Variants in COG5 observed in about 807,000 individuals in gnomAD.
COG5 encodes the protein component of oligomeric golgi complex 5.
In COG5, 86 loss-of-function variants were observed where a neutral mutation model predicts 110.4. The ratio of observed to expected loss-of-function variants is 0.78; its 90% confidence interval spans 0.65 to 0.93. COG5 has a LOEUF of 0.93. COG5 is among the 40% of genes least tolerant of loss of function. The probability of loss-of-function intolerance (pLI) is 0.00; values close to 1 mark genes in which losing one functional copy is unlikely to be tolerated. For missense variants in COG5, 1,077 were observed against 987.0 expected, an observed-to-expected ratio of 1.09 and a Z score of -1.22; for synonymous variants, 360 against 334.6, an observed-to-expected ratio of 1.08 and a Z score of -0.83.
At chr7:107,208,016 C>T (rs1798899797) in intron 21 of COG5, 1 of 985,424 alleles carries the variant, frequency 1.0e-6, no homozygotes, top group Non-Finnish European at 1.2e-6. Flanking sequence ...AATACTCACC[C>T]TCGGTTTGTC....
chr7:107,213,372 C>G (rs12672451), intron 19 of COG5, among the ~76,000 whole-genome samples: 29,943 of 152,096 alleles, frequency 0.2, 3,333 homozygotes, highest in East Asian at 0.32. Flanking sequence ...GTGGCTCCAC[C>G]TAGTGTCAGA....
chr7:107,476,838 T>A lies in COG5; in HGVS notation c.538+50399A>T, dbSNP rs553949051. On this transcript the variant is annotated intron_variant, in intron 6 of 21. Transcript: ENST00000297135. ...AAAATTCAATAATATATCACTTTTA[T>A]ATAAATAAATGAGATTTATCCAGTC... is the stretch of plus-strand genomic sequence containing the variant. Among the ~76,000 whole-genome samples the A allele has an allele frequency of 4.0e-5, 6 of 151,802 alleles. No individual in the cohort carries two copies. In the South Asian group the frequency reaches 8.3e-4, roughly 21 times the overall value.
chr7:107,548,481 C>T, intron 3 of COG5, 149 bp from the exon 4 acceptor site: 1 of 752,234 alleles, frequency 1.3e-6, no homozygotes, highest in South Asian at 1.5e-5. Flanking sequence ...TTTACCCACA[C>T]TGCTGTAAAA....
chr7:107,536,117 AAC>A (rs1477165255), intron 5 of COG5, among the ~76,000 whole-genome samples: 3 of 152,208 alleles, frequency 2.0e-5, no homozygotes, highest in Admixed American at 6.5e-5. Flanking sequence ...TCATGCTAAA[AAC>A]ACTCAATAAA....
At chr7:107,238,704 G>C (rs993672408) in intron 17 of COG5, among the ~76,000 whole-genome samples, 12 of 152,108 alleles carry the variant, frequency 7.9e-5, no homozygotes, top group South Asian at 2.1e-4. Flanking sequence ...CAGGTGTGAG[G>C]TGCAATCTCA....
intron 6 of COG5, among the ~76,000 whole-genome samples, chr7:107,444,560 AC>A (rs1794898078): frequency 6.6e-6 from 1 of 152,164 alleles, no homozygotes; most frequent in Non-Finnish European, 1.5e-5. Context: ...AATTCTTCAA[AC>A]AATATGGTTT....
chr7:107,457,491 C>T (rs1215451419), intron 6 of COG5, among the ~76,000 whole-genome samples: 2 of 152,134 alleles, frequency 1.3e-5, no homozygotes, highest in East Asian at 3.9e-4. Context: ...GCAAGTGGCG[C>T]AATCTCAGCT....
chr7:107,428,933 A>G (rs1163443205), intron 6 of COG5, among the ~76,000 whole-genome samples: 1 of 152,226 alleles, frequency 6.6e-6, no homozygotes, highest in East Asian at 1.9e-4. Context: ...GCTTATAAAG[A>G]GAAGTTAGGA....
At chr7:107,524,953 A>G (rs2129154804) in intron 6 of COG5, among the ~76,000 whole-genome samples, 1 of 152,194 alleles carries the variant, frequency 6.6e-6, no homozygotes, top group South Asian at 2.1e-4. Context: ...TTGTTTTGAC[A>G]GAGTCTTGCT....
chr7:107,312,410 ATGCAG>A (rs979147830), intron 11 of COG5, among the ~76,000 whole-genome samples: 10 of 152,188 alleles, frequency 6.6e-5, no homozygotes, highest in African/African-American at 2.4e-4. Flanking sequence ...AGCCATTATA[ATGCAG>A]TGGGCTAAGT....
rs186552210 is a variant in COG5 at position 107,396,836 on chromosome 7, T to C, written c.669+15666A>G. On this transcript the variant is annotated intron_variant, in intron 7 of 21. Coordinates refer to ENST00000297135, the MANE Select transcript of COG5 (RefSeq NM_006348.5). ...AGTAATTAATATTAAAAGGAAACTA[T>C]TGAAAATGTTTATTCAACAATAAAA... is the stretch of plus-strand genomic sequence containing the variant. Among the ~76,000 whole-genome samples the C allele has an allele frequency of 3.8e-3, 581 of 152,260 alleles. 2 individuals are homozygous for C. Among genetic ancestry groups the C allele is most frequent in the Non-Finnish European group, 6.9e-3 (466 of 68,002 alleles).
intron 14 of COG5, among the ~76,000 whole-genome samples, chr7:107,262,274 C>A (rs1055012965): frequency 6.6e-6 from 1 of 152,114 alleles, no homozygotes; most frequent in African/African-American, 2.4e-5. Context: ...TCACAGGAGT[C>A]CCTGATACCC....
chr7:107,420,817 T>C (rs536015452), intron 6 of COG5, among the ~76,000 whole-genome samples: 34 of 152,326 alleles, frequency 2.2e-4, no homozygotes, highest in Admixed American at 2.0e-3. Flanking sequence ...AAACTATGCA[T>C]AGAATAGCCT....
chr7:107,561,116 A>G (rs1254196545), intron 1 of COG5, among the ~76,000 whole-genome samples: 1 of 152,260 alleles, frequency 6.6e-6, no homozygotes, highest in Non-Finnish European at 1.5e-5. Flanking sequence ...GAGCTTACAA[A>G]GATCAAACAC....
intron 11 of COG5, among the ~76,000 whole-genome samples, chr7:107,321,950 T>TC (rs1200630791): frequency 6.6e-6 from 1 of 152,148 alleles, no homozygotes; most frequent in African/African-American, 2.4e-5. Context: ...GAAAATATCT[T>TC]CAAAACATGC....
intron 7 of COG5, among the ~76,000 whole-genome samples, chr7:107,382,084 T>C (rs553559360): frequency 6.6e-6 from 1 of 152,314 alleles, no homozygotes; most frequent in Admixed American, 6.5e-5. Flanking sequence ...AAGGGGTCAG[T>C]CGTGACGTGC....
intron 5 of COG5, among the ~76,000 whole-genome samples, chr7:107,536,228 C>A (rs2129164762): frequency 6.6e-6 from 1 of 152,278 alleles, no homozygotes; most frequent in East Asian, 1.9e-4. Flanking sequence ...GATGCCCCTT[C>A]TCACCACTCC....
chr7:107,554,457 A>C, intron 2 of COG5, 115 bp from the exon 3 acceptor site: 1 of 904,000 alleles, frequency 1.1e-6, no homozygotes, highest in Non-Finnish European at 1.8e-6. Flanking sequence ...ACAAATACAA[A>C]AGAAAAAACC....
At chr7:107,520,433 A>T (rs1033144388) in intron 6 of COG5, among the ~76,000 whole-genome samples, 5 of 152,230 alleles carry the variant, frequency 3.3e-5, no homozygotes, top group African/African-American at 1.2e-4. Context: ...ATTGATAAGC[A>T]ACTTCAGTGA....
Sources: allele counts gnomAD v4.1 joint callset (sites outside exome capture counted in the v4.1 genomes callset), GRCh38; gene constraint gnomAD v4.1.1; transcripts MANE v1.5; gene names NCBI Gene and HGNC (gene_info 2026-07-23, HGNC 2026-07-21).